The following PRKN variants were observed in gnomAD, a reference collection of about 807,000 sequenced individuals.
PRKN encodes the protein parkin RBR E3 ubiquitin protein ligase, also known as E3 ubiquitin-protein ligase parkin.
In PRKN, 56 loss-of-function variants were observed where a neutral mutation model predicts 59.5. That is an observed-to-expected ratio of 0.94 (90% CI 0.76 to 1.18). The LOEUF (loss-of-function observed/expected upper bound fraction) is 1.18. Among genes scored for constraint, PRKN ranks in the 50% most tolerant of loss-of-function variants. PRKN has a pLI of 0.00. For synonymous variants in PRKN, 250 were observed against 222.1 expected, an observed-to-expected ratio of 1.13 and a Z score of -1.12; for missense variants, 657 against 596.4, an observed-to-expected ratio of 1.10 and a Z score of -1.06.
intron 2 of PRKN, among the ~76,000 whole-genome samples, chr6:162,413,179 C>G (rs1020171735): frequency 3.9e-5 from 6 of 152,108 alleles, no homozygotes; most frequent in African/African-American, 1.4e-4. Context: ...ATATAATTGG[C>G]TTTAAAAGAC....
intron 1 of PRKN, among the ~76,000 whole-genome samples, chr6:162,543,376 C>T (rs1778997536): frequency 6.6e-6 from 1 of 152,102 alleles, no homozygotes; most frequent in African/African-American, 2.4e-5. Flanking sequence ...CTTCTCCTCC[C>T]AGTTCCACCC....
At chr6:162,075,401 A>G (rs946047719) in intron 4 of PRKN, among the ~76,000 whole-genome samples, 1 of 151,450 alleles carries the variant, frequency 6.6e-6, no homozygotes, top group African/African-American at 2.5e-5. Context: ...TGAATAACAC[A>G]TCACATTTTG....
At chr6:161,659,738 T>C (rs552328755) in intron 7 of PRKN, among the ~76,000 whole-genome samples, 2 of 151,014 alleles carry the variant, frequency 1.3e-5, no homozygotes, top group East Asian at 3.9e-4. Context: ...TCTCGGCTTG[T>C]CGTCACTGGC....
At chr6:162,158,850 C>A (rs752109109) in intron 4 of PRKN, among the ~76,000 whole-genome samples, 4 of 151,980 alleles carry the variant, frequency 2.6e-5, no homozygotes, top group Non-Finnish European at 5.9e-5. Flanking sequence ...CTCGTATGAG[C>A]AGTCTCTAGT....
intron 1 of PRKN, among the ~76,000 whole-genome samples, chr6:162,492,980 A>T (rs2128185500): frequency 6.7e-6 from 1 of 148,376 alleles, no homozygotes. Flanking sequence ...AAAAAAAAGA[A>T]GCAGAAGAAC....
chr6:161,693,654 T>C (rs73031065), intron 7 of PRKN, among the ~76,000 whole-genome samples: 19,296 of 152,248 alleles, frequency 0.13, 1,650 homozygotes, highest in South Asian at 0.32. Flanking sequence ...ACAACCACAT[T>C]ATCATGAGCA....
chr6:161,544,309 T>C lies in PRKN; in HGVS notation c.1083+4545A>G, dbSNP rs190996223. On this transcript the variant is annotated intron_variant, in intron 9 of 11. Transcript: ENST00000366898. This position sits in a 1 kb window ranked among gnomAD's most constrained non-coding sequence, Gnocchi z 5.5. The stretch of plus-strand genomic sequence containing the variant: ...AGTGTTATTTTGGTTTTCTGAATTA[T>C]ATACTATGTGTGCTATTAAAACACT... Among the ~76,000 whole-genome samples the C allele has an allele frequency of 6.6e-6, 1 of 152,206 alleles. No homozygotes were observed. The highest frequency in any genetic ancestry group is 1.5e-5 in the Non-Finnish European group (1 of 68,036).
chr6:161,360,393 T>C lies in PRKN; in HGVS notation c.1168-188A>G, dbSNP rs545484429. Among the ~76,000 whole-genome samples, 8 of 152,352 alleles carry C rather than the reference T, an allele frequency of 5.3e-5. No individual in the cohort carries two copies. The East Asian group carries it at 1.2e-3, about 22-fold the overall frequency. On this transcript the variant is annotated intron_variant, in intron 10 of 11. Transcript: ENST00000366898. This position sits in a 1 kb window ranked among gnomAD's most constrained non-coding sequence, Gnocchi z 5.1. ...GCGGATGGGGACACTCTCCCTGGCA[T>C]GTGGCGTATGCGTAGGAGCGGGGAA...
chr6:162,332,417 A>G (rs1783625805), intron 2 of PRKN, among the ~76,000 whole-genome samples: 1 of 152,132 alleles, frequency 6.6e-6, no homozygotes, highest in Non-Finnish European at 1.5e-5. Flanking sequence ...CCAGGTTTAT[A>G]CCTCCTGCCC....
chr6:162,657,321 T>C (rs1169863871), intron 1 of PRKN, among the ~76,000 whole-genome samples: 2 of 152,212 alleles, frequency 1.3e-5, no homozygotes, highest in Admixed American at 6.5e-5. Context: ...TTGTTCAGTA[T>C]TGCAGATAAA....
At chr6:162,400,032 C>T (rs185450581) in intron 2 of PRKN, among the ~76,000 whole-genome samples, 42 of 152,206 alleles carry the variant, frequency 2.8e-4, no homozygotes, top group African/African-American at 8.4e-4. Flanking sequence ...CATGGTGAAA[C>T]CCCATCTGTA....
intron 3 of PRKN, among the ~76,000 whole-genome samples, chr6:162,245,172 G>A (rs753964437): frequency 4.6e-5 from 7 of 151,990 alleles, no homozygotes; most frequent in Non-Finnish European, 7.4e-5. Flanking sequence ...CTTTCAATGC[G>A]ATGTAGGTTT....
At chr6:162,702,369 C>T (rs1440964421) in intron 1 of PRKN, among the ~76,000 whole-genome samples, 1 of 152,042 alleles carries the variant, frequency 6.6e-6, no homozygotes, top group African/African-American at 2.4e-5. Context: ...TAGATGGTCA[C>T]TGTAAAGAAG....
chr6:162,710,374 AACACACAC>A lies in PRKN; in HGVS notation c.7+17280_7+17287del, dbSNP rs138911423. The stretch of plus-strand genomic sequence containing the variant: ...CAGAAAGCCCCTGGCACCCCCTACA[AACACACAC>A]ACACACACACACACACACACACACA... On this transcript the variant is annotated intron_variant, in intron 1 of 11. Transcript: ENST00000366898. Among the ~76,000 whole-genome samples the A allele has an allele frequency of 5.6e-4, 70 of 125,302 alleles. 2 individuals are homozygous for A. The highest frequency in any genetic ancestry group is 2.2e-3 in the East Asian group (9 of 4,130). The allele number at this position is 125,302 out of a possible 152,430, so 82.2% of individuals were successfully genotyped here.
chr6:161,501,722 G>A (rs1052131291), intron 9 of PRKN, among the ~76,000 whole-genome samples: 1 of 152,088 alleles, frequency 6.6e-6, no homozygotes, highest in Non-Finnish European at 1.5e-5. Flanking sequence ...GGAGAAACTG[G>A]TCATTTGTTC....
chr6:161,438,215 ATTTTTTT>A (rs34955373), intron 9 of PRKN, among the ~76,000 whole-genome samples: 1 of 112,440 alleles, frequency 8.9e-6, no homozygotes, highest in South Asian at 2.9e-4. Flanking sequence ...AATTCTGTTA[ATTTTTTT>A]TTTTTTTTTT....
rs199503878 is a variant in PRKN, at chr6:162,039,796, CACAA to C, written c.618+14291_618+14294del. ...ACTATGACGTACACACACATATGCACACAAACAGACAGACAGACAGATGTATATA... is the reference window on the plus strand; with the variant it reads ...ACTATGACGTACACACACATATGCACACAGACAGACAGACAGATGTATATA... On this transcript the variant is annotated intron_variant, in intron 5 of 11. Coordinates refer to ENST00000366898, the MANE Select transcript of PRKN (RefSeq NM_004562.3). Among the ~76,000 whole-genome samples the C allele has an allele frequency of 8.7e-3, 1,318 of 152,276 alleles. 11 individuals carry two copies. The highest frequency in any genetic ancestry group is 0.013 in the African/African-American group (551 of 41,558).
chr6:162,396,721 C>T (rs532261817), intron 2 of PRKN, among the ~76,000 whole-genome samples: 5 of 152,150 alleles, frequency 3.3e-5, no homozygotes, highest in African/African-American at 7.2e-5. Context: ...AGTGTAAGAT[C>T]GATATAAATT....
intron 4 of PRKN, among the ~76,000 whole-genome samples, chr6:162,172,059 T>C (rs1448354062): frequency 6.6e-6 from 1 of 152,216 alleles, no homozygotes; most frequent in Non-Finnish European, 1.5e-5. Flanking sequence ...TACTGTTTTA[T>C]AGCTGAGGAT....
Sources: gnomAD v4.1 joint callset for allele counts (sites outside exome capture counted in the v4.1 genomes callset) on GRCh38, gnomAD v4.1.1 for gene constraint, Gnocchi (gnomAD v3.1) non-coding constraint, MANE v1.5 for transcripts, NCBI Gene and HGNC (gene_info 2026-07-23, HGNC 2026-07-21) for gene names.